SLC38A8: variants seen among roughly 807,000 people sequenced by gnomAD.
The protein encoded by SLC38A8 is amino acid transporter SLC38A8.
A neutral mutation model predicts 46.0 loss-of-function variants in SLC38A8; 65 were observed. The observed-to-expected ratio is 1.41, with a 90% confidence interval of 1.16 to 1.74. The LOEUF (loss-of-function observed/expected upper bound fraction) is 1.74, where lower values mean the gene tolerates loss of function less well. SLC38A8 is among the 40% of genes most tolerant of loss of function. The probability of loss-of-function intolerance (pLI) is 0.00; values close to 1 mark genes in which losing one functional copy is unlikely to be tolerated. For missense variants in SLC38A8, 998 were observed against 567.9 expected (o/e 1.76, Z -7.70); for synonymous variants, 447 against 243.7 (o/e 1.83, Z -7.77).
intron 9 of SLC38A8, among the ~76,000 whole-genome samples, chr16:84,015,887 T>G (rs139802975): frequency 8.7e-4 from 132 of 152,296 alleles, no homozygotes; most frequent in African/African-American, 3.0e-3. Flanking sequence ...GTATTTTTAG[T>G]AGGCTGGTCT....
chr16:84,012,925 C>T (rs2097878115), intron 10 of SLC38A8, 76 bp downstream of exon 10: 5 of 1,499,234 alleles, frequency 3.3e-6, no homozygotes, highest in Non-Finnish European at 4.6e-6. Context: ...GAAATAGGAT[C>T]TGCAGGGTCC....
At chr16:84,023,665 G>T (rs569029452) in intron 6 of SLC38A8, among the ~76,000 whole-genome samples, 5 of 152,238 alleles carry the variant, frequency 3.3e-5, no homozygotes, top group African/African-American at 1.2e-4. Context: ...AGGCCGAAGG[G>T]GGCAGATCAC....
intron 2 of SLC38A8, among the ~76,000 whole-genome samples, chr16:84,038,527 G>T (rs925374564): frequency 6.6e-6 from 1 of 152,102 alleles, no homozygotes; most frequent in Non-Finnish European, 1.5e-5. Context: ...GAATACTCTG[G>T]CGTGCCTACC....
intron 6 of SLC38A8, among the ~76,000 whole-genome samples, chr16:84,023,325 G>C (rs1175441156): frequency 6.6e-6 from 1 of 152,118 alleles, no homozygotes; most frequent in African/African-American, 2.4e-5. Flanking sequence ...ACTTGCATCA[G>C]GAATAAAGGC....
chr16:84,012,449 G>C (rs534845316), intron 10 of SLC38A8, among the ~76,000 whole-genome samples: 3 of 152,102 alleles, frequency 2.0e-5, no homozygotes, highest in Non-Finnish European at 4.4e-5. Flanking sequence ...GGTTAGCATG[G>C]GGCCTGGGAG....
At chr16:84,023,960 T>C (rs1038678180) in intron 6 of SLC38A8, among the ~76,000 whole-genome samples, 1 of 152,114 alleles carries the variant, frequency 6.6e-6, no homozygotes, top group Non-Finnish European at 1.5e-5. Flanking sequence ...AGTTACAAGA[T>C]AAACACTTCT....
At chr16:84,024,370 C>G (rs12933796) in intron 6 of SLC38A8, among the ~76,000 whole-genome samples, 65,580 of 151,600 alleles carry the variant, frequency 0.43, 14,267 homozygotes, top group East Asian at 0.51. Context: ...GTAGAGATGA[C>G]TTCTTACTAC....
intron 6 of SLC38A8, among the ~76,000 whole-genome samples, chr16:84,023,492 G>A (rs535267158): frequency 4.6e-5 from 7 of 152,096 alleles, no homozygotes; most frequent in Admixed American, 2.0e-4. Context: ...AGAGCAGAGG[G>A]CGTAAGTAAA....
intron 3 of SLC38A8, 87 bp downstream of exon 3, chr16:84,036,615 G>A (rs998930903): frequency 6.8e-6 from 10 of 1,470,750 alleles, no homozygotes; most frequent in Admixed American, 3.8e-5. Context: ...CCAGGCCAGG[G>A]CCCCACGTCC....
At chr16:84,009,905 G>T (rs374009687) in intron 10 of SLC38A8, 28 bp from the exon 11 acceptor site, 3 of 1,601,560 alleles carry the variant, frequency 1.9e-6, no homozygotes, top group Non-Finnish European at 2.6e-6. Flanking sequence ...CCATGTCAGA[G>T]CTTTTCTGGA....
At chr16:84,023,613 G>A (rs2151118675) in intron 6 of SLC38A8, among the ~76,000 whole-genome samples, 1 of 152,350 alleles carries the variant, frequency 6.6e-6, no homozygotes, top group South Asian at 2.1e-4. Flanking sequence ...CCACATAGGT[G>A]CCGGGCACGC....
chr16:84,020,618 G>A (rs2085084375), intron 7 of SLC38A8, among the ~76,000 whole-genome samples: 1 of 152,226 alleles, frequency 6.6e-6, no homozygotes, highest in Non-Finnish European at 1.5e-5. Context: ...AGCTGGTGCA[G>A]CGAGGATCTC....
Position 84,042,027 on chromosome 16 carries a change from T to G in SLC38A8, c.131A>C (p.Asn44Thr). The G allele has an allele frequency of 2.5e-6, 4 of 1,613,502 alleles. No individual in the cohort carries two copies. The highest frequency in any genetic ancestry group is 1.7e-5 in the Admixed American group (1 of 59,958). The change falls in exon 2 of 11, where the codon AAC (asparagine) becomes ACC (threonine). Residue 44 changes from asparagine (N) to threonine (T), a missense_variant. Transcript: ENST00000299709. ...MKSALGAGLL[N>T]FPWAFSKAGG... ...CGCTTTGGAGAAGGCCCAGGGGAAG[T>G]TGAGCAGGCCAGCTCCCAGCGCGGA... is the stretch of plus-strand genomic sequence containing the variant.
intron 6 of SLC38A8, among the ~76,000 whole-genome samples, chr16:84,023,390 C>T (rs2085118836): frequency 6.6e-6 from 1 of 152,136 alleles, no homozygotes; most frequent in African/African-American, 2.4e-5. Flanking sequence ...CCCCTCTGCA[C>T]AAAAGTAAAA....
At chr16:84,037,158 C>T (rs1040888530) in intron 2 of SLC38A8, among the ~76,000 whole-genome samples, 7 of 152,242 alleles carry the variant, frequency 4.6e-5, no homozygotes, top group Non-Finnish European at 5.9e-5. Flanking sequence ...GGGAATCTGA[C>T]ACCATCCTGC....
In SLC38A8 at chr16:84,042,061, G is replaced by A. The variant is rs753420241; in HGVS notation, c.97C>T (p.Leu33Phe). 3 of 1,614,036 alleles carry A rather than the reference G, an allele frequency of 1.9e-6. No individual in the cohort carries two copies. Among genetic ancestry groups the A allele is most frequent in the Admixed American group, 1.7e-5 (1 of 60,012 alleles). ...TLSSMGAVFI[L>F]MKSALGAGLL... ...CCAGCTCCCAGCGCGGACTTCATGA[G>A]GATGAAGACAGCGCCCATCGAGGAC... Residue 33 changes from leucine (L) to phenylalanine (F), a missense_variant, in exon 2 of 11, where the codon CTC becomes TTC. Transcript: ENST00000299709.
intron 9 of SLC38A8, among the ~76,000 whole-genome samples, chr16:84,014,617 C>T (rs932488090): frequency 6.6e-6 from 1 of 152,240 alleles, no homozygotes; most frequent in Non-Finnish European, 1.5e-5. Flanking sequence ...TCTGAGAGCT[C>T]TGGGCAGAGC....
intron 9 of SLC38A8, 65 bp downstream of exon 9, chr16:84,016,454 G>A: frequency 6.4e-7 from 1 of 1,553,594 alleles, no homozygotes; most frequent in Admixed American, 1.8e-5. Flanking sequence ...CCAACACTGG[G>A]AGTCCCCACA....
intron 6 of SLC38A8, among the ~76,000 whole-genome samples, chr16:84,027,507 G>A (rs1420374804): frequency 6.6e-6 from 1 of 152,222 alleles, no homozygotes; most frequent in Non-Finnish European, 1.5e-5. Context: ...TGCCAAATGT[G>A]TTTGGGCGGG....
Sources: allele counts gnomAD v4.1 joint callset (sites outside exome capture counted in the v4.1 genomes callset), GRCh38; gene constraint gnomAD v4.1.1; transcripts MANE v1.5; gene names NCBI Gene and HGNC (gene_info 2026-07-23, HGNC 2026-07-21).